The following IGBP1C variants were observed in gnomAD, a reference collection of about 807,000 sequenced individuals.
IGBP1C encodes the protein IGBP1 family member C.
At chr17:58,684,747 G>A in the IGBP1C span, among the ~76,000 whole-genome samples, 1 of 152,054 alleles carries the variant, frequency 6.6e-6, no homozygotes, top group Non-Finnish European at 1.5e-5. Flanking sequence ...GGCAGAGGTG[G>A]GCAGATCACC....
the IGBP1C span, among the ~76,000 whole-genome samples, chr17:58,674,499 G>C: frequency 1.9e-4 from 29 of 150,528 alleles, no homozygotes; most frequent in African/African-American, 6.6e-4. Flanking sequence ...GCGAAACCCC[G>C]TCTCTACTAA....
the IGBP1C span, chr17:58,679,717 A>T: frequency 6.6e-6 from 1 of 152,046 alleles, no homozygotes; most frequent in Non-Finnish European, 1.5e-5. Context: ...CTGAGAGTTC[A>T]CCCTTAGATT....
the IGBP1C span, among the ~76,000 whole-genome samples, chr17:58,678,917 G>A: frequency 4.6e-5 from 7 of 151,774 alleles, no homozygotes; most frequent in Non-Finnish European, 1.0e-4. Context: ...ACTTTGGGAG[G>A]CCGAGGCAGG....
chr17:58,666,048 A>G, the IGBP1C span, among the ~76,000 whole-genome samples: 1 of 147,282 alleles, frequency 6.8e-6, no homozygotes, highest in Non-Finnish European at 1.5e-5. Flanking sequence ...CTCTGTCTCA[A>G]AAAAAAAAAA....
At chr17:58,660,641 C>T in the IGBP1C span, 1 of 789,572 alleles carries the variant, frequency 1.3e-6, no homozygotes, top group Non-Finnish European at 2.3e-6. Context: ...ATCCCACTCT[C>T]GAGCTCTTTG....
At chr17:58,689,955 T>G in the IGBP1C span, among the ~76,000 whole-genome samples, 1 of 151,158 alleles carries the variant, frequency 6.6e-6, no homozygotes, top group Admixed American at 6.6e-5. Context: ...GTTCATGCAA[T>G]TCTCCTGCCT....
At chr17:58,665,918 G>C in the IGBP1C span, among the ~76,000 whole-genome samples, 1 of 151,442 alleles carries the variant, frequency 6.6e-6, no homozygotes, top group Non-Finnish European at 1.5e-5. Context: ...GTGGTGGCGG[G>C]TGCCTGTATT....
the IGBP1C span, among the ~76,000 whole-genome samples, chr17:58,675,957 G>C: frequency 6.6e-6 from 1 of 152,052 alleles, no homozygotes; most frequent in Non-Finnish European, 1.5e-5. Flanking sequence ...AACTACTATG[G>C]GCCAGGTGCC....
the IGBP1C span, among the ~76,000 whole-genome samples, chr17:58,688,446 C>T: frequency 6.6e-6 from 1 of 152,124 alleles, no homozygotes; most frequent in Non-Finnish European, 1.5e-5. Context: ...TAAAAAACGT[C>T]TCAGCATTAG....
At chr17:58,662,848 G>A in the IGBP1C span, among the ~76,000 whole-genome samples, 5 of 152,110 alleles carry the variant, frequency 3.3e-5, no homozygotes, top group East Asian at 1.9e-4. Flanking sequence ...GACCGGGCGC[G>A]GTGGCTCACG....
chr17:58,670,266 A>C, the IGBP1C span, among the ~76,000 whole-genome samples: 1 of 152,128 alleles, frequency 6.6e-6, no homozygotes, highest in Non-Finnish European at 1.5e-5. Flanking sequence ...GAGAGTTTTC[A>C]TCTGTCACTG....
the IGBP1C span, among the ~76,000 whole-genome samples, chr17:58,671,930 G>T: frequency 6.6e-6 from 1 of 152,006 alleles, no homozygotes; most frequent in African/African-American, 2.4e-5. Context: ...GCAGCACAGC[G>T]TATTTCCTCT....
the IGBP1C span, among the ~76,000 whole-genome samples, chr17:58,684,177 G>A: frequency 6.6e-6 from 1 of 151,144 alleles, no homozygotes. Flanking sequence ...AAATGCTTCC[G>A]CCCGGCATGG....
the IGBP1C span, among the ~76,000 whole-genome samples, chr17:58,672,801 G>A: frequency 4.6e-5 from 7 of 150,928 alleles, no homozygotes; most frequent in Admixed American, 2.7e-4. Flanking sequence ...GTGTGATCTC[G>A]GCTTACTGCA....
the IGBP1C span, among the ~76,000 whole-genome samples, chr17:58,665,500 G>A: frequency 1.3e-5 from 2 of 152,026 alleles, no homozygotes; most frequent in African/African-American, 4.8e-5. Flanking sequence ...TGAGGCTGAG[G>A]CATGAGAATT....
At chr17:58,685,900 C>A in the IGBP1C span, among the ~76,000 whole-genome samples, 1 of 145,294 alleles carries the variant, frequency 6.9e-6, no homozygotes, top group African/African-American at 2.6e-5. Flanking sequence ...GAGGTTGAGG[C>A]AGGACAATCG....
the IGBP1C span, among the ~76,000 whole-genome samples, chr17:58,680,966 A>C: frequency 6.6e-6 from 1 of 152,066 alleles, no homozygotes; most frequent in Non-Finnish European, 1.5e-5. Flanking sequence ...CCATCTTTAC[A>C]AAAGGAAGAA....
the IGBP1C span, among the ~76,000 whole-genome samples, chr17:58,683,963 G>A: frequency 6.6e-6 from 1 of 151,934 alleles, no homozygotes; most frequent in Non-Finnish European, 1.5e-5. Context: ...TACTCGGGAG[G>A]CTGAGGCAGA....
the IGBP1C span, among the ~76,000 whole-genome samples, chr17:58,691,147 C>T: frequency 6.6e-6 from 1 of 152,034 alleles, no homozygotes; most frequent in Non-Finnish European, 1.5e-5. Context: ...CGAGCCACTG[C>T]GCCCGGCCAG....
Sources: gnomAD v4.1 joint callset for allele counts (sites outside exome capture counted in the v4.1 genomes callset) on GRCh38, gnomAD v4.1.1 for gene constraint, MANE v1.5 for transcripts, NCBI Gene and HGNC (gene_info 2026-07-23, HGNC 2026-07-21) for gene names.